IFT74: variants seen among roughly 807,000 people sequenced by gnomAD.
The protein encoded by IFT74 is intraflagellar transport 74, also known as intraflagellar transport protein 74 homolog.
A neutral mutation model predicts 96.7 loss-of-function variants in IFT74; 92 were observed. The observed-to-expected ratio is 0.95, with a 90% CI of 0.80 to 1.13. The LOEUF is 1.13. Ranked by LOEUF, IFT74 falls within the 50% of genes most tolerant of loss-of-function variation. The pLI is 0.00. For synonymous variants in IFT74, 223 were observed against 213.2 expected, an observed-to-expected ratio of 1.05 and a Z score of -0.40; for missense variants, 811 against 698.2, an observed-to-expected ratio of 1.16 and a Z score of -1.82.
At chr9:27,030,518 A>G (rs948558442) in intron 13 of IFT74, among the ~76,000 whole-genome samples, 99 of 141,288 alleles carry the variant, frequency 7.0e-4, no homozygotes, top group African/African-American at 2.6e-3. Context: ...ACTGCACTCC[A>G]GCCTGGGTGA....
chr9:26,958,463 T>A (rs771281726), intron 1 of IFT74, among the ~76,000 whole-genome samples: 2 of 152,254 alleles, frequency 1.3e-5, no homozygotes, highest in Middle Eastern at 3.4e-3. Context: ...TGCCCTGAAT[T>A]GGCCAGTGCT....
At chr9:27,030,221 TA>T (rs1204406252) in intron 13 of IFT74, among the ~76,000 whole-genome samples, 1 of 152,158 alleles carries the variant, frequency 6.6e-6, no homozygotes, top group Non-Finnish European at 1.5e-5. Context: ...AGGTATGGTA[TA>T]AACAGTGTGC....
At chr9:26,966,235 T>C (rs1272440249) in intron 2 of IFT74, among the ~76,000 whole-genome samples, 1 of 152,116 alleles carries the variant, frequency 6.6e-6, no homozygotes, top group Non-Finnish European at 1.5e-5. Flanking sequence ...TTTTAGTTTT[T>C]TGAGGAACTT....
intron 8 of IFT74, among the ~76,000 whole-genome samples, chr9:26,996,953 G>A (rs1408242018): frequency 1.3e-5 from 2 of 152,180 alleles, no homozygotes; most frequent in Non-Finnish European, 2.9e-5. Flanking sequence ...GCTCATGCCT[G>A]TAATCCCAGC....
In IFT74 at chr9:27,048,033, C is replaced by CA. The variant is rs565682057; in HGVS notation, c.1207-107dup. 1.5e-3 allele frequency: 959 copies of CA among 625,144 alleles called. 1 individual carries two copies. The highest frequency in any genetic ancestry group is 2.0e-3 in the Non-Finnish European group (816 of 402,558). 38.7% of individuals were successfully genotyped at this position (625,144 alleles called of 1,614,324 possible). ...AATATATAACTTGAATGGTGTATTT[C>CA]AAAAAAAATACCTGATCCAAACATC... is the stretch of plus-strand genomic sequence containing the variant. On this transcript the variant is annotated intron_variant, in intron 15 of 19. Transcript: ENST00000380062.
chr9:27,032,634 G>C (rs1323724905), intron 13 of IFT74, among the ~76,000 whole-genome samples: 1 of 152,032 alleles, frequency 6.6e-6, no homozygotes, highest in Non-Finnish European at 1.5e-5. Flanking sequence ...TTGGGAGGCT[G>C]AGGCAGGCGG....
chr9:26,980,729 G>T, intron 4 of IFT74, 110 bp downstream of exon 4: 6 of 630,342 alleles, frequency 9.5e-6, no homozygotes, highest in East Asian at 2.9e-5. Flanking sequence ...GCACTTATTA[G>T]GATAATTAGG....
At chr9:27,013,931 G>T (rs960645343) in intron 10 of IFT74, among the ~76,000 whole-genome samples, 8 of 151,980 alleles carry the variant, frequency 5.3e-5, no homozygotes, top group East Asian at 1.9e-4. Context: ...TAGTAAGGTA[G>T]TTGGCTGGGC....
chr9:27,048,871 C>T lies in IFT74; in HGVS notation c.1333+597C>T, dbSNP rs570332844. Among the ~76,000 whole-genome samples the T allele has an allele frequency of 3.3e-5, 5 of 152,198 alleles. No homozygotes were observed. The South Asian group carries it at 1.0e-3, about 32-fold the overall frequency. On this transcript the variant is annotated intron_variant, in intron 16 of 19. Transcript: ENST00000380062. ...ACTCCTGAGTTGTGGGAGGTACATA[C>T]AGATATGGTTTGGATTTTTTGTCCC... is the stretch of plus-strand genomic sequence containing the variant.
chr9:27,033,867 C>G (rs890447539), intron 13 of IFT74, among the ~76,000 whole-genome samples: 1 of 151,978 alleles, frequency 6.6e-6, no homozygotes, highest in African/African-American at 2.4e-5. Context: ...TGTTATACAA[C>G]CAAAAGCAGT....
chr9:27,056,725 G>T (rs1459772976), intron 18 of IFT74, among the ~76,000 whole-genome samples: 1 of 151,858 alleles, frequency 6.6e-6, no homozygotes, highest in Non-Finnish European at 1.5e-5. Context: ...AAAAATTTTG[G>T]AAGTGAAACA....
Position 26,967,044 on chromosome 9 carries a change from CTTT to C in IFT74, c.120+4965_120+4967del, listed in dbSNP as rs774615807. On this transcript the variant is annotated intron_variant, in intron 2 of 19. Transcript: ENST00000380062. ...CCAGTATGCTTTTCTTTTTCTTTTCCTTTTTTTTTTAATTCAGGATGGGTTTGG... is the reference window on the plus strand; with the variant it reads ...CCAGTATGCTTTTCTTTTTCTTTTCCTTTTTTTAATTCAGGATGGGTTTGG... Among the ~76,000 whole-genome samples, 26 of 143,864 alleles carry C rather than the reference CTTT, an allele frequency of 1.8e-4. 3 individuals carry two copies. Among genetic ancestry groups the C allele is most frequent in the Admixed American group, 1.5e-3 (21 of 14,398 alleles). The allele number at this position is 143,864 out of a possible 152,430, so 94.4% of individuals were successfully genotyped here. A position where few individuals can be genotyped will look rare whatever the true frequency, so the allele number is the denominator to read the frequency against.
At chr9:27,038,013 A>C (rs899518016) in intron 13 of IFT74, among the ~76,000 whole-genome samples, 2 of 152,236 alleles carry the variant, frequency 1.3e-5, no homozygotes, top group Non-Finnish European at 2.9e-5. Context: ...CAGCAAGTGC[A>C]TTAAATGACT....
chr9:26,957,319 G>A (rs1459335425), intron 1 of IFT74, among the ~76,000 whole-genome samples: 2 of 152,170 alleles, frequency 1.3e-5, no homozygotes, highest in Non-Finnish European at 2.9e-5. Flanking sequence ...AAGTTAGCAG[G>A]AAACCTAGAG....
intron 18 of IFT74, among the ~76,000 whole-genome samples, chr9:27,059,939 G>A (rs994656716): frequency 2.0e-5 from 3 of 152,112 alleles, no homozygotes; most frequent in Non-Finnish European, 4.4e-5. Context: ...AAAAAAGAAA[G>A]ACCATAACCA....
At chr9:26,987,816 A>G (rs1382805089) in intron 6 of IFT74, among the ~76,000 whole-genome samples, 1 of 152,210 alleles carries the variant, frequency 6.6e-6, no homozygotes, top group Non-Finnish European at 1.5e-5. Flanking sequence ...TTGACAACTG[A>G]TATCCTTGCC....
At chr9:26,956,978 G>T (rs1299670300) in intron 1 of IFT74, among the ~76,000 whole-genome samples, 1 of 152,232 alleles carries the variant, frequency 6.6e-6, no homozygotes, top group African/African-American at 2.4e-5. Flanking sequence ...CTTCACAACA[G>T]CCCTGCAAGG....
At chr9:26,985,133 A>G (rs1205956664) in intron 6 of IFT74, among the ~76,000 whole-genome samples, 1 of 152,232 alleles carries the variant, frequency 6.6e-6, no homozygotes, top group African/African-American at 2.4e-5. Flanking sequence ...ATAAAAAAGA[A>G]AAAGATCATG....
upstream of IFT74, among the ~76,000 whole-genome samples, chr9:26,953,930 C>A (rs764532680): frequency 1.3e-5 from 2 of 152,176 alleles, no homozygotes; most frequent in Non-Finnish European, 2.9e-5. Context: ...ATATTCAGTA[C>A]CAAGTGGTAT....
Sources: allele counts gnomAD v4.1 joint callset (sites outside exome capture counted in the v4.1 genomes callset), GRCh38; gene constraint gnomAD v4.1.1; transcripts MANE v1.5; gene names NCBI Gene and HGNC (gene_info 2026-07-23, HGNC 2026-07-21).